The following TXN2 variants were observed in gnomAD, a reference collection of about 807,000 sequenced individuals.
TXN2 encodes thioredoxin, mitochondrial.
Under a neutral mutation model 14.6 loss-of-function variants are expected in TXN2, and 12 were observed. The observed-to-expected ratio is 0.82, with a 90% CI of 0.53 to 1.33. The LOEUF is 1.33. Among genes scored for constraint, TXN2 ranks in the 40% most tolerant of loss-of-function variants. TXN2 has a pLI of 0.00. For missense variants in TXN2, 173 were observed against 207.7 expected, an observed-to-expected ratio of 0.83 and a Z score of 1.03; for synonymous variants, 89 against 81.0, an observed-to-expected ratio of 1.10 and a Z score of -0.53.
At chr22:36,468,924 C>T (rs56148312) in intron 3 of TXN2, among the ~76,000 whole-genome samples, 4,139 of 151,994 alleles carry the variant, frequency 0.027, 98 homozygotes, top group Non-Finnish European at 0.043. Flanking sequence ...CACCTGTAAT[C>T]CCACCTACTT....
intron 3 of TXN2, among the ~76,000 whole-genome samples, chr22:36,469,694 G>A (rs1275843792): frequency 6.6e-6 from 1 of 152,196 alleles, no homozygotes; most frequent in Non-Finnish European, 1.5e-5. Flanking sequence ...TGTGGCTCAC[G>A]CCTGTAATCC....
At chr22:36,474,835 G>A (rs550658100) in intron 3 of TXN2, among the ~76,000 whole-genome samples, 121 of 152,232 alleles carry the variant, frequency 7.9e-4, no homozygotes, top group African/African-American at 2.6e-3. Flanking sequence ...CTTCACTCTG[G>A]CCACCCAGAC....
intron 2 of TXN2, 111 bp downstream of exon 2, chr22:36,480,464 A>G: frequency 5.0e-6 from 7 of 1,409,988 alleles, no homozygotes; most frequent in Non-Finnish European, 6.8e-6. Flanking sequence ...ACCAGTCTGT[A>G]TATTGAGTCT....
intron 3 of TXN2, among the ~76,000 whole-genome samples, chr22:36,469,934 C>T (rs772050048): frequency 2.6e-5 from 4 of 151,912 alleles, no homozygotes; most frequent in Non-Finnish European, 4.4e-5. Flanking sequence ...CCAGCCTGGG[C>T]GACAGAGCAA....
intron 3 of TXN2, 95 bp from the exon 4 acceptor site, chr22:36,468,012 C>G: frequency 9.3e-7 from 1 of 1,075,904 alleles, no homozygotes; most frequent in Non-Finnish European, 1.4e-6. Flanking sequence ...GGTGGCTTAT[C>G]CAGGGCACTG....
chr22:36,467,696 G>A lies in TXN2; in HGVS notation c.*108C>T. 1.0e-6 allele frequency: 1 copy of A among 963,640 alleles called. No individual in the cohort carries two copies. Among genetic ancestry groups the A allele is most frequent in the Non-Finnish European group, 1.6e-6 (1 of 613,100 alleles). The allele number at this position is 963,640 out of a possible 1,614,324, so 59.7% of individuals were successfully genotyped here. A position where few individuals can be genotyped will look rare whatever the true frequency, so the allele number is the denominator to read the frequency against. On this transcript the variant is annotated 3_prime_UTR_variant, in exon 4 of 4. Transcript: ENST00000216185. ...GGCTGGAGCCTGGGCTCTAAGCATGGGCCCCAGGAGCCAGACAGGAGGGAG... is the reference window on the plus strand; with the variant it reads ...GGCTGGAGCCTGGGCTCTAAGCATGAGCCCCAGGAGCCAGACAGGAGGGAG...
intron 2 of TXN2, among the ~76,000 whole-genome samples, chr22:36,478,879 G>A (rs768174808): frequency 1.2e-4 from 18 of 152,156 alleles, no homozygotes; most frequent in African/African-American, 4.1e-4. Context: ...GTTTTAACTC[G>A]GGAGGTGGAG....
Position 36,467,354 on chromosome 22 carries a change from T to C in TXN2, c.*450A>G, listed in dbSNP as rs1217500616. 2.3e-5 allele frequency: 4 copies of C among 176,372 alleles called. No individual in the cohort carries two copies. Among genetic ancestry groups the C allele is most frequent in the Admixed American group, 1.1e-4 (2 of 18,004 alleles). The allele number at this position is 176,372 out of a possible 1,614,324, so 10.9% of individuals were successfully genotyped here. The stretch of plus-strand genomic sequence containing the variant: ...TACAAAAAATGAGATAATTAGATAT[T>C]ACTCTCACTAGTTTGGGCTTCTTTT... On this transcript the variant is annotated 3_prime_UTR_variant, in exon 4 of 4. Coordinates refer to ENST00000216185, the MANE Select transcript of TXN2 (RefSeq NM_012473.4).
chr22:36,469,143 G>A (rs188734663), intron 3 of TXN2, among the ~76,000 whole-genome samples: 4 of 152,342 alleles, frequency 2.6e-5, no homozygotes, highest in East Asian at 1.9e-4. Flanking sequence ...GCTGGGGCAC[G>A]CCCCTCAGTC....
chr22:36,472,497 G>A (rs907828311), intron 3 of TXN2, among the ~76,000 whole-genome samples: 6 of 152,282 alleles, frequency 3.9e-5, no homozygotes, highest in African/African-American at 1.2e-4. Flanking sequence ...ACCCTGGTAT[G>A]GGCTGTTGAT....
intron 2 of TXN2, among the ~76,000 whole-genome samples, chr22:36,480,335 T>C (rs1290307272): frequency 2.6e-5 from 4 of 152,222 alleles, no homozygotes; most frequent in Non-Finnish European, 4.4e-5. Context: ...GACGCTGAGC[T>C]TTCTGGGGAT....
In TXN2 at chr22:36,468,218, C is replaced by G. The variant is rs189752518; in HGVS notation, c.388-301G>C. 7.6e-3 allele frequency among the ~76,000 whole-genome samples: 1,153 copies of G among 152,252 alleles called. 14 individuals carry two copies. Among genetic ancestry groups the G allele is most frequent in the Admixed American group, 0.031 (477 of 15,292 alleles). ...GAATGACAGGAGAGATGAAAATAAC[C>G]CTTGCAGCTGCAGGCCAGGGCTGGG... On this transcript the variant is annotated intron_variant, in intron 3 of 3. Coordinates refer to ENST00000216185, the MANE Select transcript of TXN2 (RefSeq NM_012473.4).
At chr22:36,475,565 G>A (rs1241060317) in intron 3 of TXN2, among the ~76,000 whole-genome samples, 1 of 152,160 alleles carries the variant, frequency 6.6e-6, no homozygotes, top group Non-Finnish European at 1.5e-5. Flanking sequence ...TGTTTGTATA[G>A]TGTCTATGGC....
At chr22:36,477,912 G>A (rs536487546) in intron 2 of TXN2, among the ~76,000 whole-genome samples, 15 of 152,078 alleles carry the variant, frequency 9.9e-5, no homozygotes, top group Non-Finnish European at 4.4e-5. Context: ...CGAGGCAGGC[G>A]GATCACCTGA....
chr22:36,470,329 T>A (rs1285032866), intron 3 of TXN2, among the ~76,000 whole-genome samples: 1 of 152,180 alleles, frequency 6.6e-6, no homozygotes, highest in African/African-American at 2.4e-5. Context: ...CTGATGTGGG[T>A]GGCAAACCCT....
intron 3 of TXN2, among the ~76,000 whole-genome samples, chr22:36,474,155 C>T (rs1330838655): frequency 6.6e-6 from 1 of 152,204 alleles, no homozygotes; most frequent in African/African-American, 2.4e-5. Context: ...AGATGCCTCC[C>T]TCACTGAGCA....
Position 36,467,727 on chromosome 22 carries a change from AG to A in TXN2, c.*76del, listed in dbSNP as rs1286717447. 8.0e-7 allele frequency: 1 copy of A among 1,256,070 alleles called. No homozygotes were observed. Among genetic ancestry groups the A allele is most frequent in the African/African-American group, 1.5e-5 (1 of 68,054 alleles). The allele number at this position is 1,256,070 out of a possible 1,614,324, so 77.8% of individuals were successfully genotyped here. A position where few individuals can be genotyped will look rare whatever the true frequency, so the allele number is the denominator to read the frequency against. On this transcript the variant is annotated 3_prime_UTR_variant, in exon 4 of 4. Coordinates refer to ENST00000216185, the MANE Select transcript of TXN2 (RefSeq NM_012473.4). Reference sequence around the variant, plus strand: ...AGGAGCCAGACAGGAGGGAGGCAGCAGGAAGGGCTGGCATGGAAGGGCTGAG... The same window carrying A: ...AGGAGCCAGACAGGAGGGAGGCAGCAGAAGGGCTGGCATGGAAGGGCTGAG...
intron 3 of TXN2, among the ~76,000 whole-genome samples, chr22:36,470,361 C>T (rs946214520): frequency 6.6e-6 from 1 of 152,278 alleles, no homozygotes. Flanking sequence ...GAGCAGGGCC[C>T]GAAAGAGTTT....
intron 3 of TXN2, among the ~76,000 whole-genome samples, chr22:36,471,489 T>G (rs1933273451): frequency 6.6e-6 from 1 of 152,190 alleles, no homozygotes; most frequent in Non-Finnish European, 1.5e-5. Flanking sequence ...CTGCGGGATG[T>G]TGCAACCTCC....
Sources: gnomAD v4.1 joint callset for allele counts (sites outside exome capture counted in the v4.1 genomes callset) on GRCh38, gnomAD v4.1.1 for gene constraint, MANE v1.5 for transcripts, NCBI Gene and HGNC (gene_info 2026-07-23, HGNC 2026-07-21) for gene names.